MGLL: variants seen among roughly 807,000 people sequenced by gnomAD.
MGLL encodes lysophospholipase homolog.
Under a neutral mutation model 29.1 loss-of-function variants are expected in MGLL, and 7 were observed. The ratio of observed to expected loss-of-function variants is 0.24; its 90% CI spans 0.14 to 0.45. MGLL has a LOEUF of 0.45. MGLL is among the 20% of genes least tolerant of loss of function. The pLI is 0.99. For synonymous variants in MGLL, 148 were observed against 168.3 expected, an observed-to-expected ratio of 0.88 and a Z score of 0.93; for missense variants, 356 against 413.6, an observed-to-expected ratio of 0.86 and a Z score of 1.21.
intron 3 of MGLL, among the ~76,000 whole-genome samples, chr3:127,728,720 G>A (rs1018920118): frequency 1.4e-4 from 22 of 152,176 alleles, no homozygotes; most frequent in Non-Finnish European, 2.9e-4. Context: ...GCATGATGTT[G>A]TATCTTCAGG....
chr3:127,694,129 G>C (rs2075299777), intron 7 of MGLL, among the ~76,000 whole-genome samples: 1 of 151,774 alleles, frequency 6.6e-6, no homozygotes. Flanking sequence ...AATTAGCCGG[G>C]CAGGGTGGCA....
At chr3:127,693,487 C>T (rs193018383) in intron 7 of MGLL, among the ~76,000 whole-genome samples, 235 of 152,354 alleles carry the variant, frequency 1.5e-3, no homozygotes, top group Non-Finnish European at 2.9e-3. Flanking sequence ...ACTGGTGCAT[C>T]CTCACTGGCT....
intron 2 of MGLL, among the ~76,000 whole-genome samples, chr3:127,793,423 T>TG (rs1298557301): frequency 6.6e-6 from 1 of 152,248 alleles, no homozygotes; most frequent in Non-Finnish European, 1.5e-5. Flanking sequence ...TGAGAGCCTA[T>TG]GGGCCAGGCA....
At chr3:127,787,565 G>A (rs1035660150) in intron 2 of MGLL, among the ~76,000 whole-genome samples, 6 of 152,244 alleles carry the variant, frequency 3.9e-5, no homozygotes, top group Non-Finnish European at 7.3e-5. Flanking sequence ...TAGAGGAAAT[G>A]TATGGTCAGA....
intron 2 of MGLL, among the ~76,000 whole-genome samples, chr3:127,793,219 C>A (rs1336933329): frequency 1.3e-5 from 2 of 152,214 alleles, no homozygotes; most frequent in Non-Finnish European, 2.9e-5. Flanking sequence ...CAGCAGCTCC[C>A]AGGCCACATT....
chr3:127,786,641 C>T lies in MGLL; in HGVS notation c.156-4746G>A, dbSNP rs190678212. Among the ~76,000 whole-genome samples, 60 of 152,380 alleles carry T rather than the reference C, an allele frequency of 3.9e-4. 1 individual carries two copies. The highest frequency in any genetic ancestry group is 1.4e-3 in the African/African-American group (60 of 41,598). On this transcript the variant is annotated intron_variant, in intron 2 of 7. Transcript: ENST00000265052. ...AATGTACAAACCAGGCTGCTTTATCCTCTCCATCGAAAAACGAATGCCCCT... is the reference window on the plus strand; with the variant it reads ...AATGTACAAACCAGGCTGCTTTATCTTCTCCATCGAAAAACGAATGCCCCT...
intron 3 of MGLL, among the ~76,000 whole-genome samples, chr3:127,729,810 G>T (rs1371825228): frequency 2.6e-5 from 4 of 152,140 alleles, no homozygotes; most frequent in Non-Finnish European, 5.9e-5. Flanking sequence ...CACATTACAT[G>T]CAGGAGGCCC....
At chr3:127,701,831 C>T (rs2075496537) in intron 6 of MGLL, among the ~76,000 whole-genome samples, 1 of 152,202 alleles carries the variant, frequency 6.6e-6, no homozygotes, top group African/African-American at 2.4e-5. Context: ...CTTCCACGGC[C>T]TTTCTCTTAT....
At chr3:127,692,556 C>A (rs2075268209) in intron 7 of MGLL, among the ~76,000 whole-genome samples, 1 of 152,238 alleles carries the variant, frequency 6.6e-6, no homozygotes, top group South Asian at 2.1e-4. Flanking sequence ...CAAATGCAAA[C>A]CTTCCCTCAC....
chr3:127,727,652 C>T (rs1215771651), intron 3 of MGLL, among the ~76,000 whole-genome samples: 1 of 137,516 alleles, frequency 7.3e-6, no homozygotes, highest in African/African-American at 2.7e-5. Context: ...GTCAAGGCTG[C>T]AGTGAGCCAT....
At chr3:127,741,566 AG>A (rs1174503511) in intron 3 of MGLL, among the ~76,000 whole-genome samples, 1 of 152,190 alleles carries the variant, frequency 6.6e-6, no homozygotes. Flanking sequence ...GAGCGGGCAG[AG>A]GTTTGTGGGG....
intron 3 of MGLL, among the ~76,000 whole-genome samples, chr3:127,779,714 T>A (rs1179013363): frequency 6.6e-6 from 1 of 152,174 alleles, no homozygotes; most frequent in African/African-American, 2.4e-5. Context: ...AGATTTAGCA[T>A]CCATTCACTC....
intron 2 of MGLL, among the ~76,000 whole-genome samples, chr3:127,783,480 C>T (rs1295362997): frequency 1.3e-5 from 2 of 152,200 alleles, no homozygotes; most frequent in Non-Finnish European, 2.9e-5. Flanking sequence ...GACCCCAGAG[C>T]TGTATCCCAG....
intron 6 of MGLL, among the ~76,000 whole-genome samples, chr3:127,702,601 C>T (rs567076365): frequency 6.1e-4 from 93 of 152,348 alleles, no homozygotes; most frequent in African/African-American, 2.2e-3. Context: ...TTCTGAGTTG[C>T]CACTTAATCA....
chr3:127,729,616 A>G (rs1292330393), intron 3 of MGLL, among the ~76,000 whole-genome samples: 1 of 152,232 alleles, frequency 6.6e-6, no homozygotes, highest in Non-Finnish European at 1.5e-5. Flanking sequence ...TAATCGTCTC[A>G]GCAGAATTTA....
intron 3 of MGLL, among the ~76,000 whole-genome samples, chr3:127,763,306 C>T (rs1435435872): frequency 1.3e-5 from 2 of 152,184 alleles, no homozygotes; most frequent in African/African-American, 4.8e-5. Context: ...ATGATAGCAA[C>T]AACTGCCAAA....
At chr3:127,787,852 T>C (rs1485756714) in intron 2 of MGLL, among the ~76,000 whole-genome samples, 1 of 152,246 alleles carries the variant, frequency 6.6e-6, no homozygotes, top group Admixed American at 6.5e-5. Context: ...ACGTCTGCCG[T>C]CCGGGCTGCG....
intron 3 of MGLL, chr3:127,736,165 G>A: frequency 2.8e-6 from 3 of 1,061,222 alleles, no homozygotes; most frequent in Non-Finnish European, 3.4e-6. Context: ...GGCAACCCAA[G>A]TTTCACTTCT....
At chr3:127,778,315 G>A (rs759683113) in intron 3 of MGLL, among the ~76,000 whole-genome samples, 13 of 152,162 alleles carry the variant, frequency 8.5e-5, no homozygotes, top group Admixed American at 2.0e-4. Flanking sequence ...GACCCAGCCC[G>A]CTCAGGGCAA....
Sources: allele counts gnomAD v4.1 joint callset (sites outside exome capture counted in the v4.1 genomes callset), GRCh38; gene constraint gnomAD v4.1.1; transcripts MANE v1.5; gene names NCBI Gene and HGNC (gene_info 2026-07-23, HGNC 2026-07-21).